BRINP3: variants seen among roughly 807,000 people sequenced by gnomAD.
BRINP3 encodes the protein BMP/retinoic acid-inducible neural-specific protein 3.
Under a neutral mutation model 71.0 loss-of-function variants are expected in BRINP3, and 19 were observed. That is an observed-to-expected ratio of 0.27 (90% CI 0.19 to 0.39). The LOEUF (loss-of-function observed/expected upper bound fraction) is 0.39. BRINP3 is among the 10% of genes least tolerant of loss of function. The pLI is 1.00. For missense variants in BRINP3, 959 were observed against 940.8 expected (o/e 1.02, Z -0.25); for synonymous variants, 380 against 337.7 (o/e 1.13, Z -1.37).
At chr1:190,266,209 G>A (rs1057156036) in intron 3 of BRINP3, among the ~76,000 whole-genome samples, 3 of 152,112 alleles carry the variant, frequency 2.0e-5, no homozygotes, top group Admixed American at 2.0e-4. Context: ...AAACTAATAA[G>A]TCACTTTTAT....
chr1:190,446,049 T>A (rs746978711), intron 2 of BRINP3, among the ~76,000 whole-genome samples: 2 of 152,098 alleles, frequency 1.3e-5, no homozygotes, highest in Non-Finnish European at 2.9e-5. Flanking sequence ...GTAACGATTA[T>A]ACACAATTCT....
chr1:190,237,133 T>C (rs1372728376), intron 4 of BRINP3, among the ~76,000 whole-genome samples: 2 of 152,024 alleles, frequency 1.3e-5, no homozygotes, highest in Admixed American at 1.3e-4. Context: ...TCTGTCCTTA[T>C]ATATTGCTTT....
intron 4 of BRINP3, among the ~76,000 whole-genome samples, chr1:190,236,393 C>A (rs1658520136): frequency 6.6e-6 from 1 of 151,926 alleles, no homozygotes; most frequent in Non-Finnish European, 1.5e-5. Context: ...ATGTCAATGA[C>A]AGGACTACTA....
chr1:190,363,575 T>C (rs527373341), intron 2 of BRINP3, among the ~76,000 whole-genome samples: 4 of 152,224 alleles, frequency 2.6e-5, no homozygotes, highest in African/African-American at 9.6e-5. Context: ...AGAGTGACTA[T>C]AAGGAGGGGC....
intron 6 of BRINP3, among the ~76,000 whole-genome samples, chr1:190,203,794 TA>T (rs1655244479): frequency 1.2e-5 from 1 of 84,682 alleles, no homozygotes; most frequent in Non-Finnish European, 2.3e-5. Context: ...TATATATATA[TA>T]TATATATATA....
At chr1:190,235,263 T>A (rs1658404735) in intron 4 of BRINP3, among the ~76,000 whole-genome samples, 1 of 152,084 alleles carries the variant, frequency 6.6e-6, no homozygotes, top group South Asian at 2.1e-4. Context: ...GTGGACTGAT[T>A]TTTTCATGGA....
At chr1:190,354,468 G>A (rs558860383) in intron 2 of BRINP3, among the ~76,000 whole-genome samples, 5 of 151,920 alleles carry the variant, frequency 3.3e-5, no homozygotes, top group East Asian at 1.9e-4. Flanking sequence ...CAGAGGGCTC[G>A]TCACTTAAAA....
intron 7 of BRINP3, among the ~76,000 whole-genome samples, chr1:190,150,527 T>G (rs1656297958): frequency 6.6e-6 from 1 of 152,320 alleles, no homozygotes; most frequent in South Asian, 2.1e-4. Context: ...TCAGAAATGA[T>G]ATCATTTGTA....
At chr1:190,452,775 T>G (rs1675704935) in intron 2 of BRINP3, among the ~76,000 whole-genome samples, 1 of 152,098 alleles carries the variant, frequency 6.6e-6, no homozygotes, top group South Asian at 2.1e-4. Flanking sequence ...GAGAATCGCT[T>G]AAACCCAGGA....
At chr1:190,216,674 G>T (rs1358547515) in intron 6 of BRINP3, among the ~76,000 whole-genome samples, 1 of 151,820 alleles carries the variant, frequency 6.6e-6, no homozygotes, top group Non-Finnish European at 1.5e-5. Context: ...CCTATCTACT[G>T]ACTGAATTTT....
At chr1:190,162,513 T>C (rs1240780087) in intron 6 of BRINP3, among the ~76,000 whole-genome samples, 1 of 152,158 alleles carries the variant, frequency 6.6e-6, no homozygotes, top group Non-Finnish European at 1.5e-5. Flanking sequence ...AATTCCCTCT[T>C]TTGAATAAAG....
At chr1:190,386,729 T>C (rs1187041588) in intron 2 of BRINP3, among the ~76,000 whole-genome samples, 4 of 151,912 alleles carry the variant, frequency 2.6e-5, no homozygotes, top group African/African-American at 9.7e-5. Flanking sequence ...AGCTTGCACT[T>C]ACTCTTCTGT....
At chr1:190,182,214 G>T (rs1029913603) in intron 6 of BRINP3, among the ~76,000 whole-genome samples, 2 of 151,396 alleles carry the variant, frequency 1.3e-5, no homozygotes, top group African/African-American at 4.9e-5. Context: ...TAAACTTTAG[G>T]TTTATGTATT....
At chr1:190,452,241 A>T (rs12043892) in intron 2 of BRINP3, among the ~76,000 whole-genome samples, 24,094 of 152,212 alleles carry the variant, frequency 0.16, 2,018 homozygotes, top group South Asian at 0.21. Context: ...ACCCTAATGA[A>T]TAAATTATAC....
intron 2 of BRINP3, among the ~76,000 whole-genome samples, chr1:190,334,256 C>A (rs1280167491): frequency 6.6e-6 from 1 of 151,614 alleles, no homozygotes; most frequent in Non-Finnish European, 1.5e-5. Context: ...TTTTTGAAGG[C>A]CCCTGCCCAC....
chr1:190,110,287 T>TTA (rs1652553890), intron 7 of BRINP3, among the ~76,000 whole-genome samples: 2 of 152,138 alleles, frequency 1.3e-5, no homozygotes. Context: ...ACCACTCTAT[T>TTA]ATCTATCATG....
At chr1:190,406,269 A>G (rs1672273890) in intron 2 of BRINP3, among the ~76,000 whole-genome samples, 2 of 152,198 alleles carry the variant, frequency 1.3e-5, no homozygotes, top group African/African-American at 4.8e-5. Context: ...TCCACTGGCT[A>G]CTTTCAGTCA....
At chr1:190,366,714 T>A (rs1190339460) in intron 2 of BRINP3, among the ~76,000 whole-genome samples, 3 of 152,176 alleles carry the variant, frequency 2.0e-5, no homozygotes, top group African/African-American at 7.2e-5. Context: ...GGTACAGTCA[T>A]TGGGTAAATA....
rs36099005 is a variant in BRINP3, at chr1:190,265,539, A to AATATATATATATATATATATAT, written c.428-506_428-485dup. 1.0e-3 allele frequency among the ~76,000 whole-genome samples: 139 copies of AATATATATATATATATATATAT among 139,208 alleles called. 1 individual carries two copies. The highest frequency in any genetic ancestry group is 3.3e-3 in the African/African-American group (124 of 37,924). 91.3% of individuals were successfully genotyped at this position (139,208 alleles called of 152,430 possible). A position where few individuals can be genotyped will look rare whatever the true frequency, so the allele number is the denominator to read the frequency against. ...ACACGGTGAAACCCCGTCTCTACTA[A>AATATATATATATATATATATAT]ATATATATATATATATATATATAAA... On this transcript the variant is annotated intron_variant, in intron 3 of 7. Coordinates refer to ENST00000367462, the MANE Select transcript of BRINP3 (RefSeq NM_199051.3).
Sources: gnomAD v4.1 joint callset for allele counts (sites outside exome capture counted in the v4.1 genomes callset) on GRCh38, gnomAD v4.1.1 for gene constraint, MANE v1.5 for transcripts, NCBI Gene and HGNC (gene_info 2026-07-23, HGNC 2026-07-21) for gene names.